The following MMD2 variants were observed in gnomAD, a reference collection of about 807,000 sequenced individuals.
MMD2 encodes the protein monocyte to macrophage differentiation factor 2.
A neutral mutation model predicts 33.5 loss-of-function variants in MMD2; 30 were observed. The observed-to-expected ratio is 0.90, with a 90% CI of 0.67 to 1.22. The LOEUF (loss-of-function observed/expected upper bound fraction) is 1.22. Among genes scored for constraint, MMD2 ranks in the 50% most tolerant of loss-of-function variants. The pLI, the probability that MMD2 is intolerant of heterozygous loss-of-function variation, is 0.00. For missense variants in MMD2, 364 were observed against 325.4 expected, an observed-to-expected ratio of 1.12 and a Z score of -0.91; for synonymous variants, 129 against 123.0, an observed-to-expected ratio of 1.05 and a Z score of -0.32.
chr7:4,904,831 C>A (rs1454302002), downstream of MMD2, among the ~76,000 whole-genome samples: 2 of 152,308 alleles, frequency 1.3e-5, no homozygotes, highest in Middle Eastern at 3.4e-3. Flanking sequence ...CCAGGAGCTC[C>A]CAGGCCTGGG....
intron 1 of MMD2, among the ~76,000 whole-genome samples, chr7:4,934,605 C>T (rs1199317625): frequency 6.6e-6 from 1 of 152,168 alleles, no homozygotes; most frequent in East Asian, 1.9e-4. Flanking sequence ...CATTTTGTAG[C>T]CAACCCTTAC....
chr7:4,950,007 C>T (rs112666133), intron 1 of MMD2, among the ~76,000 whole-genome samples: 1,658 of 152,214 alleles, frequency 0.011, 28 homozygotes, highest in Middle Eastern at 0.044. Context: ...TGTGGTAAAA[C>T]ACACATCAAA....
chr7:4,899,837 C>G, the MMD2 span, among the ~76,000 whole-genome samples: 1 of 152,286 alleles, frequency 6.6e-6, no homozygotes, highest in East Asian at 1.9e-4. Context: ...CACAGGTAAA[C>G]CTAACACCTA....
At chr7:4,892,511 C>G in the MMD2 span, among the ~76,000 whole-genome samples, 1 of 151,456 alleles carries the variant, frequency 6.6e-6, no homozygotes, top group Non-Finnish European at 1.5e-5. Flanking sequence ...TCTCTTGAAC[C>G]TGGGAGACAG....
intron 1 of MMD2, among the ~76,000 whole-genome samples, chr7:4,957,343 C>T (rs1441557666): frequency 6.6e-6 from 1 of 151,254 alleles, no homozygotes; most frequent in Non-Finnish European, 1.5e-5. Context: ...AGAGCAAAAC[C>T]CTGTCTCAAA....
intron 3 of MMD2, among the ~76,000 whole-genome samples, chr7:4,919,613 C>T (rs1364844047): frequency 2.0e-5 from 3 of 151,868 alleles, no homozygotes; most frequent in African/African-American, 7.3e-5. Flanking sequence ...TGGCCAGGCA[C>T]AGTGGCTCAC....
intron 1 of MMD2, among the ~76,000 whole-genome samples, chr7:4,937,122 G>C (rs1785762907): frequency 6.6e-6 from 1 of 151,500 alleles, no homozygotes; most frequent in Non-Finnish European, 1.5e-5. Context: ...TGTGGGCCGG[G>C]CATGGTGGCT....
intron 6 of MMD2, among the ~76,000 whole-genome samples, chr7:4,909,241 C>A (rs558466273): frequency 1.3e-3 from 197 of 151,920 alleles, no homozygotes; most frequent in African/African-American, 4.5e-3. Flanking sequence ...GTAATCCCAG[C>A]ACTTTGGAAG....
intron 1 of MMD2, among the ~76,000 whole-genome samples, chr7:4,949,299 C>A (rs1786175219): frequency 6.6e-6 from 1 of 151,758 alleles, no homozygotes; most frequent in Admixed American, 6.6e-5. Flanking sequence ...TTTTTGGTAC[C>A]CCTTAACCAT....
intron 1 of MMD2, among the ~76,000 whole-genome samples, chr7:4,938,061 G>C (rs1785798749): frequency 8.1e-6 from 1 of 123,066 alleles, no homozygotes; most frequent in Admixed American, 1.1e-4. Context: ...GCCCAGGCTG[G>C]AGTGCAATGG....
At chr7:4,957,646 T>G (rs542088331) in intron 1 of MMD2, among the ~76,000 whole-genome samples, 1 of 132,020 alleles carries the variant, frequency 7.6e-6, no homozygotes, top group South Asian at 2.6e-4. Flanking sequence ...CGAGACTCCA[T>G]CTCAGAAAAA....
intron 2 of MMD2, among the ~76,000 whole-genome samples, chr7:4,921,133 G>C (rs1022323446): frequency 2.0e-5 from 3 of 152,072 alleles, no homozygotes; most frequent in African/African-American, 7.2e-5. Flanking sequence ...CAAAGACCAC[G>C]TCCCAGAGAG....
chr7:4,948,316 C>T (rs1007033818), intron 1 of MMD2, among the ~76,000 whole-genome samples: 1 of 152,214 alleles, frequency 6.6e-6, no homozygotes, highest in African/African-American at 2.4e-5. Context: ...CACCTGAGGC[C>T]AGGAGTTAGA....
At position 4,934,079 on chromosome 7, in the gene MMD2, G is replaced by A. The variant is rs548760930; in HGVS notation, c.48-8547C>T. ...CAAGTAGCTGGGATTACAGGCATCC[G>A]CCACCACACCCAGCTAATTTTTGAA... On this transcript the variant is annotated intron_variant, in intron 1 of 6. Transcript: ENST00000401401. 9.9e-5 allele frequency among the ~76,000 whole-genome samples: 15 copies of A among 151,578 alleles called. No individual in the cohort carries two copies. The South Asian group carries it at 1.9e-3, about 19-fold the overall frequency.
intron 1 of MMD2, among the ~76,000 whole-genome samples, chr7:4,934,252 C>G (rs919426553): frequency 3.4e-4 from 51 of 152,054 alleles, no homozygotes; most frequent in Non-Finnish European, 5.4e-4. Context: ...ATTTTTTCCA[C>G]CACCACACCC....
chr7:4,914,688 TG>T (rs1322775038), intron 4 of MMD2, among the ~76,000 whole-genome samples: 2 of 152,134 alleles, frequency 1.3e-5, no homozygotes, highest in Non-Finnish European at 2.9e-5. Flanking sequence ...CTCATCACTG[TG>T]GGAGGCCGAG....
chr7:4,914,386 A>G (rs1227321091), intron 4 of MMD2, among the ~76,000 whole-genome samples: 1 of 152,110 alleles, frequency 6.6e-6, no homozygotes, highest in East Asian at 1.9e-4. Flanking sequence ...TTTCAGTCTC[A>G]ATGCCTGCAG....
At chr7:4,941,651 T>A (rs1785914674) in intron 1 of MMD2, among the ~76,000 whole-genome samples, 2 of 151,550 alleles carry the variant, frequency 1.3e-5, no homozygotes, top group African/African-American at 4.8e-5. Flanking sequence ...AAAAAGACAC[T>A]TTTTTTAAAC....
chr7:4,908,575 A>G (rs1012304832), intron 6 of MMD2, among the ~76,000 whole-genome samples: 1 of 152,108 alleles, frequency 6.6e-6, no homozygotes. Flanking sequence ...GAGGCAACCC[A>G]GGGGTCAGCC....
Sources: gnomAD v4.1 joint callset for allele counts (sites outside exome capture counted in the v4.1 genomes callset) on GRCh38, gnomAD v4.1.1 for gene constraint, MANE v1.5 for transcripts, NCBI Gene and HGNC (gene_info 2026-07-23, HGNC 2026-07-21) for gene names.